The following CCDC92B variants were observed in gnomAD, a reference collection of about 807,000 sequenced individuals.
CCDC92B encodes coiled-coil domain containing 92B, also known as coiled-coil domain-containing 92B.
In CCDC92B, 2 loss-of-function variants were observed where a neutral mutation model predicts 5.6. The observed-to-expected ratio is 0.36, with a 90% CI of 0.15 to 1.12. The LOEUF (loss-of-function observed/expected upper bound fraction) is 1.12. Ranked by LOEUF, CCDC92B falls within the 50% of genes most tolerant of loss-of-function variation. The pLI is 0.40. For missense variants in CCDC92B, 271 were observed against 262.2 expected, an observed-to-expected ratio of 1.03 and a Z score of -0.23; for synonymous variants, 115 against 122.3, an observed-to-expected ratio of 0.94 and a Z score of 0.39.
At chr17:2,730,321 A>G (rs1292867459) in intron 3 of CCDC92B, 125 bp downstream of exon 3, 2 of 395,120 alleles carry the variant, frequency 5.1e-6, no homozygotes, top group Non-Finnish European at 6.9e-6. Flanking sequence ...TCTGCTCACC[A>G]GCCAAGGAGT....
chr17:2,724,926 C>T lies in CCDC92B; in HGVS notation c.253G>A (p.Ala85Thr). The T allele has an allele frequency of 2.0e-6, 2 of 985,476 alleles. No individual in the cohort carries two copies. The highest frequency in any genetic ancestry group is 1.2e-6 in the Non-Finnish European group (1 of 829,988). 61.0% of individuals were successfully genotyped at this position (985,476 alleles called of 1,614,324 possible). The change falls in exon 4 of 4, where the codon GCG becomes ACG. Residue 85 changes from alanine (A) to threonine (T), a missense_variant. Physicochemically the swap from Ala to Thr is moderately conservative, Grantham distance 58. Coordinates refer to ENST00000614400, the MANE Select transcript of CCDC92B (RefSeq NM_001355573.2). This position sits in a 1 kb window ranked among gnomAD's most constrained non-coding sequence, Gnocchi z 5.0. ...TGCGCCACCTCCCGCCGCAGCTCCG[C>T]GTTGGCCGCAGCACGCGCCTCCAGC... ...SQLEARAAAN[A>T]ELRREVAQRE...
Position 2,731,918 on chromosome 17 carries a change from G to C in CCDC92B, c.131-1425C>G, listed in dbSNP as rs538669018. 8.7e-4 allele frequency among the ~76,000 whole-genome samples: 132 copies of C among 152,360 alleles called. 1 individual carries two copies. Among genetic ancestry groups the C allele is most frequent in the Non-Finnish European group, 1.6e-3 (108 of 68,040 alleles). On this transcript the variant is annotated intron_variant, in intron 2 of 3. Coordinates refer to ENST00000614400, the MANE Select transcript of CCDC92B (RefSeq NM_001355573.2). The stretch of plus-strand genomic sequence containing the variant: ...TCAACACAGGACTTGGGGGTAGGGA[G>C]ATAAAAATCTCAGCTGGGCTATAGA...
At chr17:2,741,925 G>T (rs1340608107) in intron 1 of CCDC92B, among the ~76,000 whole-genome samples, 1 of 146,618 alleles carries the variant, frequency 6.8e-6, no homozygotes, top group Non-Finnish European at 1.5e-5. Flanking sequence ...CGCGGAGGTT[G>T]CAGTGAGCCG....
intron 2 of CCDC92B, among the ~76,000 whole-genome samples, chr17:2,732,090 G>A (rs537870661): frequency 4.6e-5 from 7 of 152,306 alleles, no homozygotes; most frequent in South Asian, 2.1e-4. Context: ...AAAAAACAGC[G>A]GGCTTGGCCC....
intron 3 of CCDC92B, among the ~76,000 whole-genome samples, chr17:2,728,175 A>G (rs547483027): frequency 6.6e-6 from 1 of 151,798 alleles, no homozygotes; most frequent in East Asian, 2.0e-4. Context: ...AAAGCTGGGC[A>G]TGGTGGCATG....
Position 2,723,897 on chromosome 17 carries a change from G to A in CCDC92B, c.*514C>T, listed in dbSNP as rs2070688839. Reference sequence around the variant, plus strand: ...TATCGGCAGGGTCAGGGTGGGGGTAGAAGGACCAGCCCCTAGCCTGGGCCT... The same window carrying A: ...TATCGGCAGGGTCAGGGTGGGGGTAAAAGGACCAGCCCCTAGCCTGGGCCT... On this transcript the variant is annotated 3_prime_UTR_variant, in exon 4 of 4. Transcript: ENST00000614400. The A allele has an allele frequency of 1.0e-6, 1 of 979,684 alleles. No homozygotes were observed. The highest frequency in any genetic ancestry group is 1.8e-5 in the African/African-American group (1 of 56,748). The allele number at this position is 979,684 out of a possible 1,614,324, so 60.7% of individuals were successfully genotyped here.
rs920348523 is a variant in CCDC92B at position 2,720,878 on chromosome 17, G to A, written c.*3533C>T. 6.6e-6 allele frequency: 1 copy of A among 152,226 alleles called. No homozygotes were observed. The highest frequency in any genetic ancestry group is 1.9e-4 in the East Asian group (1 of 5,200). 9.4% of individuals were successfully genotyped at this position (152,226 alleles called of 1,614,324 possible). A position where few individuals can be genotyped will look rare whatever the true frequency, so the allele number is the denominator to read the frequency against. On this transcript the variant is annotated 3_prime_UTR_variant, in exon 4 of 4. Coordinates refer to ENST00000614400, the MANE Select transcript of CCDC92B (RefSeq NM_001355573.2). ...CACAGGGCTCTATTTCTGTGGGTGA[G>A]TGAATACACTCTGAAAAGCATTGGA...
At chr17:2,730,088 A>G (rs2070776093) in intron 3 of CCDC92B, among the ~76,000 whole-genome samples, 1 of 152,198 alleles carries the variant, frequency 6.6e-6, no homozygotes, top group Admixed American at 6.5e-5. Context: ...GTAAAGCCAC[A>G]TTACCATTTC....
Position 2,725,289 on chromosome 17 carries a change from A to G in CCDC92B, c.179-289T>C, listed in dbSNP as rs543150875. Among the ~76,000 whole-genome samples the G allele has an allele frequency of 2.0e-5, 3 of 151,446 alleles. No homozygotes were observed. In the South Asian group the frequency reaches 6.2e-4, roughly 31 times the overall value. Reference sequence around the variant, plus strand: ...TCCCAGCTACTCGGGAGGCTGAGACAGGGGACTCGCTTGAACCGGGGAGGC... The same window carrying G: ...TCCCAGCTACTCGGGAGGCTGAGACGGGGGACTCGCTTGAACCGGGGAGGC... On this transcript the variant is annotated intron_variant, in intron 3 of 3. Coordinates refer to ENST00000614400, the MANE Select transcript of CCDC92B (RefSeq NM_001355573.2).
intron 1 of CCDC92B, among the ~76,000 whole-genome samples, chr17:2,739,093 C>T (rs1042896678): frequency 3.3e-5 from 5 of 150,774 alleles, no homozygotes; most frequent in East Asian, 2.0e-4. Context: ...ATAGGGCGGG[C>T]GCAATGGCTC....
At position 2,730,491 on chromosome 17, in the gene CCDC92B, G is replaced by C. The variant is rs1324386872; in HGVS notation, c.133C>G (p.Leu45Val). 17 of 984,190 alleles carry C rather than the reference G, an allele frequency of 1.7e-5. No individual in the cohort carries two copies. The highest frequency in any genetic ancestry group is 2.0e-5 in the Non-Finnish European group (17 of 830,620). 61.0% of individuals were successfully genotyped at this position (984,190 alleles called of 1,614,324 possible). A position where few individuals can be genotyped will look rare whatever the true frequency, so the allele number is the denominator to read the frequency against. The change falls in exon 3 of 4, where the codon CTG becomes GTG. Residue 45 changes from leucine to valine, a missense_variant and splice_region_variant. Physicochemically the swap from Leu to Val is conservative, Grantham distance 32 (BLOSUM62 1). Coordinates refer to ENST00000614400, the MANE Select transcript of CCDC92B (RefSeq NM_001355573.2). ...TCTCTCATTTCCAGGTCATGGGTCA[G>C]TTCTGGGGGGAAAGAAAAGAAAAGG... ...ILRLQKRCSE[L>V]THDLEMREAQ...
At chr17:2,729,951 A>T (rs746904173) in intron 3 of CCDC92B, among the ~76,000 whole-genome samples, 3 of 152,174 alleles carry the variant, frequency 2.0e-5, no homozygotes, top group Non-Finnish European at 4.4e-5. Context: ...CCTGACATGC[A>T]TCTTGACACT....
In CCDC92B at chr17:2,726,178, ATATAT is replaced by A. The variant is rs2070726966; in HGVS notation, c.179-1183_179-1179del. ...ACCCAGCTAATTTTTGTATATATAT[ATATAT>A]TTTTTTTTTTTTGAGATGGAGTCTT... On this transcript the variant is annotated intron_variant, in intron 3 of 3. Transcript: ENST00000614400. Among the ~76,000 whole-genome samples, 4 of 16,040 alleles carry A rather than the reference ATATAT, an allele frequency of 2.5e-4. No individual in the cohort carries two copies. The South Asian group carries it at 0.069, about 277-fold the overall frequency. The allele number at this position is 16,040 out of a possible 152,430, so 10.5% of individuals were successfully genotyped here.
intron 1 of CCDC92B, among the ~76,000 whole-genome samples, chr17:2,740,519 T>C (rs956454650): frequency 6.6e-6 from 1 of 151,502 alleles, no homozygotes; most frequent in African/African-American, 2.4e-5. Context: ...AAAAATTAGC[T>C]GGGCATGGTG....
At chr17:2,730,810 T>C (rs1244695000) in intron 2 of CCDC92B, among the ~76,000 whole-genome samples, 1 of 152,098 alleles carries the variant, frequency 6.6e-6, no homozygotes, top group African/African-American at 2.4e-5. Flanking sequence ...CTGGCTTGTT[T>C]TGGGGCTGGG....
intron 3 of CCDC92B, among the ~76,000 whole-genome samples, chr17:2,726,406 TCTC>T (rs1233521840): frequency 2.6e-5 from 4 of 151,434 alleles, no homozygotes; most frequent in African/African-American, 9.7e-5. Flanking sequence ...ATGGTTTCGA[TCTC>T]CTGACCTCGT....
intron 1 of CCDC92B, chr17:2,748,449 T>C (rs1255298399): frequency 1.0e-6 from 1 of 964,758 alleles, no homozygotes; most frequent in Non-Finnish European, 1.2e-6. Context: ...TGTGTGTGTG[T>C]GCACGCATGC....
At chr17:2,739,688 T>C (rs1405546151) in intron 1 of CCDC92B, among the ~76,000 whole-genome samples, 1 of 151,688 alleles carries the variant, frequency 6.6e-6, no homozygotes, top group Non-Finnish European at 1.5e-5. Flanking sequence ...CTCAAAAAAA[T>C]AGATAGATAG....
At chr17:2,728,024 G>A (rs2070753265) in intron 3 of CCDC92B, among the ~76,000 whole-genome samples, 1 of 151,534 alleles carries the variant, frequency 6.6e-6, no homozygotes, top group South Asian at 2.1e-4. Flanking sequence ...AAAAGAAAGA[G>A]TTCTCAAAGC....
Sources: allele counts gnomAD v4.1 joint callset (sites outside exome capture counted in the v4.1 genomes callset), GRCh38; gene constraint gnomAD v4.1.1; non-coding constraint Gnocchi (gnomAD v3.1); transcripts MANE v1.5; gene names NCBI Gene and HGNC (gene_info 2026-07-23, HGNC 2026-07-21).